Variants in MYO9A observed in about 807,000 individuals in gnomAD.
MYO9A encodes unconventional myosin-IXa.
MYO9A carries 103 observed loss-of-function variants against 293.3 expected under a neutral mutation model. The ratio of observed to expected loss-of-function variants is 0.35; its 90% CI spans 0.30 to 0.41. MYO9A has a LOEUF of 0.41. MYO9A is among the 10% of genes least tolerant of loss of function. MYO9A has a pLI of 1.00. For missense variants in MYO9A, 2,685 were observed against 3,033.0 expected, an observed-to-expected ratio of 0.89 and a Z score of 2.69; for synonymous variants, 1,001 against 1,035.7, an observed-to-expected ratio of 0.97 and a Z score of 0.64.
intron 8 of MYO9A, among the ~76,000 whole-genome samples, chr15:72,007,417 T>C (rs2077048112): frequency 6.6e-6 from 1 of 152,034 alleles, no homozygotes; most frequent in African/African-American, 2.4e-5. Flanking sequence ...TAGTATCCTT[T>C]TTTCTCCACC....
intron 13 of MYO9A, among the ~76,000 whole-genome samples, chr15:71,966,268 G>GTGTGTGTGTGTC: frequency 8.3e-6 from 1 of 120,500 alleles, no homozygotes; most frequent in Non-Finnish European, 1.9e-5. Context: ...CCAGGCAAGT[G>GTGTGTGTGTGTC]TGTGTGTGTG....
At position 72,019,025 on chromosome 15, in the gene MYO9A, G is replaced by A. The variant is rs1014730814; in HGVS notation, c.1155+14C>T. 3.1e-6 allele frequency: 5 copies of A among 1,609,560 alleles called. No homozygotes were observed. The highest frequency in any genetic ancestry group is 3.4e-6 in the Non-Finnish European group (4 of 1,176,204). On this transcript the variant is annotated intron_variant, in intron 6 of 41. Coordinates refer to ENST00000356056, the MANE Select transcript of MYO9A (RefSeq NM_006901.4). Reference sequence around the variant, plus strand: ...TTTGACAGAAACACAGAATATTTAGGTACTTGTACTGACCGGCTCAGAGTC... The same window carrying A: ...TTTGACAGAAACACAGAATATTTAGATACTTGTACTGACCGGCTCAGAGTC...
chr15:72,103,748 A>G (rs1317782616), intron 1 of MYO9A, among the ~76,000 whole-genome samples: 1 of 152,390 alleles, frequency 6.6e-6, no homozygotes, highest in East Asian at 1.9e-4. Flanking sequence ...TTATATGCAC[A>G]TGAAGTTCAA....
intron 1 of MYO9A, among the ~76,000 whole-genome samples, chr15:72,098,937 GT>G (rs1244861844): frequency 1.3e-5 from 2 of 150,726 alleles, no homozygotes; most frequent in Non-Finnish European, 2.9e-5. Context: ...AAAGCCAGAA[GT>G]TGTATTTAAA....
chr15:72,047,749 A>G (rs2078429710), intron 1 of MYO9A, among the ~76,000 whole-genome samples: 1 of 151,106 alleles, frequency 6.6e-6, no homozygotes. Context: ...AAAAAATAAT[A>G]AGAAGAAATA....
intron 1 of MYO9A, among the ~76,000 whole-genome samples, chr15:72,101,047 G>A (rs1226639409): frequency 2.1e-5 from 3 of 139,852 alleles, no homozygotes; most frequent in East Asian, 2.3e-4. Context: ...CCGGCCAGCC[G>A]CCCCGTCAGG....
rs2054369294 is a variant in MYO9A, at chr15:71,824,020, ATCTCT to A, written c.*2555_*2559del. 6.6e-6 allele frequency: 1 copy of A among 152,190 alleles called. No individual in the cohort carries two copies. The highest frequency in any genetic ancestry group is 2.1e-4 in the South Asian group (1 of 4,824). The allele number at this position is 152,190 out of a possible 1,614,324, so 9.4% of individuals were successfully genotyped here. A position where few individuals can be genotyped will look rare whatever the true frequency, so the allele number is the denominator to read the frequency against. Reference sequence around the variant, plus strand: ...GAAGGTTTTTAAGAGTTATGGCTTCATCTCTTGATCAGGCCAACAAGGCCTACTAC... The same window carrying A: ...GAAGGTTTTTAAGAGTTATGGCTTCATGATCAGGCCAACAAGGCCTACTAC... On this transcript the variant is annotated 3_prime_UTR_variant, in exon 42 of 42. Transcript: ENST00000356056.
In MYO9A at chr15:71,898,229, T is replaced by C. The variant is rs1026046538; in HGVS notation, c.4274A>G (p.Gln1425Arg). 1 of 1,614,130 alleles carries C rather than the reference T, an allele frequency of 6.2e-7. No homozygotes were observed. Among genetic ancestry groups the C allele is most frequent in the Non-Finnish European group, 8.5e-7 (1 of 1,180,016 alleles). The change falls in exon 25 of 42, where the codon CAA becomes CGA. Residue 1425 changes from glutamine (Q) to arginine (R), a missense_variant. This residue lies in a region of MYO9A where 1,434 missense variants were observed against 1,497.7 expected (regional missense o/e 0.96). Transcript: ENST00000356056. The part of the protein sequence containing the change: ...NSLPTFFYIP[Q>R]QDPLKTNSQL... ...GGAATTTGTTTTCAGTGGGTCTTGT[T>C]GGGGGATATAAAAAAAAGTAGGTAG...
intron 14 of MYO9A, among the ~76,000 whole-genome samples, chr15:71,955,507 G>T (rs1304020596): frequency 6.6e-6 from 1 of 152,146 alleles, no homozygotes; most frequent in Non-Finnish European, 1.5e-5. Flanking sequence ...GATTTTTTGT[G>T]ACTCATTCAT....
chr15:71,827,733 A>G (rs1390810463), intron 41 of MYO9A, 151 bp downstream of exon 41: 10 of 840,216 alleles, frequency 1.2e-5, no homozygotes, highest in Non-Finnish European at 1.8e-5. Flanking sequence ...GAAGGCTAAA[A>G]TTATATGGAT....
intron 16 of MYO9A, among the ~76,000 whole-genome samples, chr15:71,936,037 T>A (rs1010182855): frequency 6.6e-5 from 10 of 151,804 alleles, no homozygotes; most frequent in Non-Finnish European, 1.2e-4. Context: ...ACATCATAAT[T>A]AATGGAGGAC....
At chr15:71,999,514 G>T (rs986389672) in intron 9 of MYO9A, among the ~76,000 whole-genome samples, 1 of 152,096 alleles carries the variant, frequency 6.6e-6, no homozygotes, top group East Asian at 1.9e-4. Flanking sequence ...TGTGCTAGAA[G>T]AAACTGTCTC....
chr15:71,936,932 C>A (rs1450925030), intron 16 of MYO9A, among the ~76,000 whole-genome samples: 1 of 139,348 alleles, frequency 7.2e-6, no homozygotes, highest in Non-Finnish European at 1.5e-5. Flanking sequence ...GGTACTCTGG[C>A]TTTAGAAAAA....
chr15:72,100,479 G>A lies in MYO9A; in HGVS notation c.-72+17201C>T, dbSNP rs544584959. Among the ~76,000 whole-genome samples, 18 of 150,740 alleles carry A rather than the reference G, an allele frequency of 1.2e-4. No homozygotes were observed. In the South Asian group the frequency reaches 1.7e-3, roughly 14 times the overall value. On this transcript the variant is annotated intron_variant, in intron 1 of 41. Coordinates refer to ENST00000356056, the MANE Select transcript of MYO9A (RefSeq NM_006901.4). Reference sequence around the variant, plus strand: ...CTGCCCAGTCTGGGAGGTGAGGAGCGTCTCCGACCGGCCGCCATCCCATCT... The same window carrying A: ...CTGCCCAGTCTGGGAGGTGAGGAGCATCTCCGACCGGCCGCCATCCCATCT...
At chr15:71,881,518 T>G (rs118156650) in intron 28 of MYO9A, among the ~76,000 whole-genome samples, 1 of 152,262 alleles carries the variant, frequency 6.6e-6, no homozygotes, top group Non-Finnish European at 1.5e-5. Context: ...TACAATTATA[T>G]TCAAACATAT....
At chr15:72,067,913 A>G (rs1302158384) in intron 1 of MYO9A, among the ~76,000 whole-genome samples, 4 of 152,220 alleles carry the variant, frequency 2.6e-5, no homozygotes, top group Admixed American at 1.3e-4. Context: ...TTACTCTGCA[A>G]ATCTTCTACT....
At chr15:72,026,645 A>G (rs1169131510) in intron 4 of MYO9A, among the ~76,000 whole-genome samples, 2 of 152,106 alleles carry the variant, frequency 1.3e-5, no homozygotes, top group African/African-American at 4.8e-5. Context: ...GAGAACATCA[A>G]TGAAACTAAA....
intron 1 of MYO9A, among the ~76,000 whole-genome samples, chr15:72,110,599 AAC>A (rs1372183573): frequency 1.3e-5 from 2 of 152,212 alleles, no homozygotes; most frequent in Non-Finnish European, 2.9e-5. Context: ...TGACAAACAG[AAC>A]ACATTTTGTT....
intron 8 of MYO9A, among the ~76,000 whole-genome samples, chr15:72,003,618 G>A (rs1329716174): frequency 3.3e-5 from 5 of 151,600 alleles, no homozygotes; most frequent in African/African-American, 4.8e-5. Flanking sequence ...GCAGGAGAAT[G>A]GCGTGAACCC....
Sources: gnomAD v4.1 joint callset for allele counts (sites outside exome capture counted in the v4.1 genomes callset) on GRCh38, gnomAD v4.1.1 for gene constraint, gnomAD v4.1.1 regional missense constraint, MANE v1.5 for transcripts, NCBI Gene and HGNC (gene_info 2026-07-23, HGNC 2026-07-21) for gene names.